The following RASSF8 variants were observed in gnomAD, a reference collection of about 807,000 sequenced individuals.
RASSF8 encodes Ras association domain family member 8.
In RASSF8, 22 loss-of-function variants were observed where a neutral mutation model predicts 48.5. That is an observed-to-expected ratio of 0.45 (90% CI 0.32 to 0.65). The LOEUF (loss-of-function observed/expected upper bound fraction) is 0.65, where lower values mean the gene tolerates loss of function less well. Ranked by LOEUF, RASSF8 falls within the 30% of genes least tolerant of loss-of-function variation. The pLI, the probability that RASSF8 is intolerant of heterozygous loss-of-function variation, is 0.03. For missense variants in RASSF8, 418 were observed against 489.2 expected, an observed-to-expected ratio of 0.85 and a Z score of 1.37; for synonymous variants, 127 against 171.5, an observed-to-expected ratio of 0.74 and a Z score of 2.03.
chr12:26,045,052 A>C (rs1943343494), intron 2 of RASSF8, among the ~76,000 whole-genome samples: 1 of 152,172 alleles, frequency 6.6e-6, no homozygotes, highest in Admixed American at 6.5e-5. Context: ...TTAATTATTT[A>C]ATTGGCTTAG....
intron 2 of RASSF8, among the ~76,000 whole-genome samples, chr12:26,048,145 A>G (rs530873171): frequency 9.2e-5 from 14 of 152,222 alleles, no homozygotes; most frequent in African/African-American, 3.4e-4. Flanking sequence ...ACTTATATTT[A>G]AAAATGGATG....
chr12:26,071,145 C>G lies in RASSF8; in HGVS notation c.*2327C>G, dbSNP rs1420136292. On this transcript the variant is annotated 3_prime_UTR_variant, in exon 6 of 6. Transcript: ENST00000689635. Reference sequence around the variant, plus strand: ...TACTTTTTAATTAGTTATATTACTTCTGGAAGCACATATCTAAGGAATATT... The same window carrying G: ...TACTTTTTAATTAGTTATATTACTTGTGGAAGCACATATCTAAGGAATATT... The G allele has an allele frequency of 1.0e-6, 1 of 974,498 alleles. No homozygotes were observed. Among genetic ancestry groups the G allele is most frequent in the African/African-American group, 1.8e-5 (1 of 56,918 alleles). The allele number at this position is 974,498 out of a possible 1,614,324, so 60.4% of individuals were successfully genotyped here. A position where few individuals can be genotyped will look rare whatever the true frequency, so the allele number is the denominator to read the frequency against.
chr12:25,972,108 A>G (rs1311634083), intron 1 of RASSF8, among the ~76,000 whole-genome samples: 1 of 152,222 alleles, frequency 6.6e-6, no homozygotes, highest in Non-Finnish European at 1.5e-5. Context: ...ACTAAGTGTG[A>G]AGACCAAACG....
chr12:26,049,437 C>A (rs533497125), intron 2 of RASSF8, among the ~76,000 whole-genome samples: 2 of 152,294 alleles, frequency 1.3e-5, no homozygotes, highest in South Asian at 4.1e-4. Context: ...CCACTGTGAA[C>A]TTTAATTGAC....
intron 2 of RASSF8, among the ~76,000 whole-genome samples, chr12:26,042,751 G>A (rs944226969): frequency 2.0e-5 from 3 of 152,086 alleles, no homozygotes; most frequent in Non-Finnish European, 4.4e-5. Flanking sequence ...ATTGTTTTAT[G>A]AAACCACAAA....
intron 1 of RASSF8, among the ~76,000 whole-genome samples, chr12:25,972,775 A>G (rs1691889): frequency 0.14 from 21,181 of 152,262 alleles, 1,793 homozygotes; most frequent in East Asian, 0.27. Flanking sequence ...ATGTATATGC[A>G]CATGCATATG....
intron 1 of RASSF8, among the ~76,000 whole-genome samples, chr12:25,983,880 C>A (rs1215295238): frequency 6.6e-6 from 1 of 152,112 alleles, no homozygotes; most frequent in African/African-American, 2.4e-5. Flanking sequence ...AACCCATACC[C>A]GTGTGTGCCA....
At chr12:26,037,408 A>C (rs1943176609) in intron 2 of RASSF8, among the ~76,000 whole-genome samples, 2 of 152,216 alleles carry the variant, frequency 1.3e-5, no homozygotes, top group African/African-American at 4.8e-5. Flanking sequence ...AAATTTTCTT[A>C]CAAGGTATTT....
chr12:26,073,451 T>C (rs1944035978), downstream of RASSF8, among the ~76,000 whole-genome samples: 1 of 152,050 alleles, frequency 6.6e-6, no homozygotes, highest in African/African-American at 2.4e-5. Flanking sequence ...AAATTATACA[T>C]GAGGGCCGGG....
At chr12:26,057,100 T>TGTG (rs1555169455) in intron 3 of RASSF8, among the ~76,000 whole-genome samples, 1 of 128,842 alleles carries the variant, frequency 7.8e-6, no homozygotes, top group African/African-American at 2.6e-5. Context: ...AATGACACTT[T>TGTG]TGTGTGTGTG....
At chr12:26,004,435 G>T (rs1438587591) in intron 2 of RASSF8, among the ~76,000 whole-genome samples, 1 of 152,134 alleles carries the variant, frequency 6.6e-6, no homozygotes, top group African/African-American at 2.4e-5. Flanking sequence ...GGGGGTTAGG[G>T]AGTGCCAGCC....
chr12:26,013,988 G>A (rs1304156121), intron 2 of RASSF8, among the ~76,000 whole-genome samples: 1 of 152,114 alleles, frequency 6.6e-6, no homozygotes, highest in Non-Finnish European at 1.5e-5. Flanking sequence ...ATATTTTGTG[G>A]ACAAAACTCA....
intron 2 of RASSF8, among the ~76,000 whole-genome samples, chr12:26,004,168 C>A (rs1942329234): frequency 6.6e-6 from 1 of 152,122 alleles, no homozygotes; most frequent in Admixed American, 6.5e-5. Context: ...CAGACTGAGA[C>A]CCTGTCTCAA....
chr12:26,000,950 G>A (rs1942240692), intron 2 of RASSF8, among the ~76,000 whole-genome samples: 1 of 139,486 alleles, frequency 7.2e-6, no homozygotes, highest in South Asian at 2.3e-4. Context: ...TAAACACTGT[G>A]TACTTAAGCT....
chr12:25,988,646 C>T (rs1941944247), intron 1 of RASSF8, among the ~76,000 whole-genome samples: 1 of 152,184 alleles, frequency 6.6e-6, no homozygotes, highest in African/African-American at 2.4e-5. Flanking sequence ...AGATTTGTAT[C>T]AGCCACCTGC....
intron 2 of RASSF8, among the ~76,000 whole-genome samples, chr12:25,997,643 G>A (rs1446476327): frequency 6.6e-6 from 1 of 152,140 alleles, no homozygotes; most frequent in Non-Finnish European, 1.5e-5. Context: ...TAGAAGGCTT[G>A]AAATGATCTT....
intron 2 of RASSF8, among the ~76,000 whole-genome samples, chr12:26,015,592 TTTAAAG>T (rs1942629434): frequency 6.6e-6 from 1 of 152,246 alleles, no homozygotes; most frequent in South Asian, 2.1e-4. Flanking sequence ...TGTGTACGTC[TTTAAAG>T]TTAAGTAAGA....
intron 1 of RASSF8, among the ~76,000 whole-genome samples, chr12:25,987,589 T>A (rs954248696): frequency 1.3e-5 from 2 of 152,208 alleles, no homozygotes; most frequent in African/African-American, 4.8e-5. Context: ...TTATTGTTTA[T>A]GCTTTTCTTT....
chr12:26,051,039 C>G (rs554862889), intron 2 of RASSF8, among the ~76,000 whole-genome samples: 2 of 152,074 alleles, frequency 1.3e-5, no homozygotes, highest in South Asian at 4.2e-4. Context: ...TTTTGGGAAC[C>G]CTAGCCTTAT....
Sources: allele counts gnomAD v4.1 joint callset (sites outside exome capture counted in the v4.1 genomes callset), GRCh38; gene constraint gnomAD v4.1.1; transcripts MANE v1.5; gene names NCBI Gene and HGNC (gene_info 2026-07-23, HGNC 2026-07-21).